The following SYNE2 variants were observed in gnomAD, a reference collection of about 807,000 sequenced individuals.
SYNE2 encodes nesprin-2.
In SYNE2, 431 loss-of-function variants were observed where a neutral mutation model predicts 856.3. The observed-to-expected ratio is 0.50, with a 90% confidence interval of 0.47 to 0.55. The LOEUF (loss-of-function observed/expected upper bound fraction) is 0.55. SYNE2 is among the 20% of genes least tolerant of loss of function. SYNE2 has a pLI of 0.00. For missense variants in SYNE2, 8,129 were observed against 8,023.2 expected, an observed-to-expected ratio of 1.01 and a Z score of -0.50; for synonymous variants, 2,923 against 2,872.3, an observed-to-expected ratio of 1.02 and a Z score of -0.56.
intron 99 of SYNE2, chr14:64,190,621 G>T (rs2098513626): frequency 2.8e-6 from 2 of 702,164 alleles, no homozygotes; most frequent in Non-Finnish European, 5.2e-6. Flanking sequence ...TCAGGTAAGG[G>T]CACAGGCCTG....
chr14:64,226,444 A>T (rs1488188891), downstream of SYNE2: 2 of 152,590 alleles, frequency 1.3e-5, no homozygotes, highest in Non-Finnish European at 2.9e-5. Context: ...CTTCTGTTGT[A>T]CTGAATTCTG....
chr14:64,062,066 G>A (rs1374457805), intron 49 of SYNE2, among the ~76,000 whole-genome samples: 5 of 151,956 alleles, frequency 3.3e-5, no homozygotes, highest in African/African-American at 1.2e-4. Context: ...GTCTGTTTTT[G>A]TATGCATAAT....
chr14:64,103,376 C>G (rs983329820), intron 64 of SYNE2, among the ~76,000 whole-genome samples: 8 of 141,822 alleles, frequency 5.6e-5, no homozygotes, highest in Admixed American at 2.2e-4. Context: ...TTTTGTGGAA[C>G]AAAGTAGTAT....
At chr14:63,917,625 C>G (rs2095547913) in intron 2 of SYNE2, among the ~76,000 whole-genome samples, 1 of 152,114 alleles carries the variant, frequency 6.6e-6, no homozygotes, top group South Asian at 2.1e-4. Flanking sequence ...CATGAGCCAC[C>G]ATACCCAGCT....
chr14:63,995,730 C>CATCTATCTATCTATCT (rs373410347), intron 23 of SYNE2, among the ~76,000 whole-genome samples: 2,431 of 113,482 alleles, frequency 0.021, 23 homozygotes, highest in South Asian at 0.033. Flanking sequence ...TATATCTATC[C>CATCTATCTATCTATCT]ATCTATCTAT....
At chr14:64,181,114 A>AT (rs1006567452) in intron 96 of SYNE2, among the ~76,000 whole-genome samples, 2 of 148,074 alleles carry the variant, frequency 1.4e-5, no homozygotes, top group African/African-American at 5.0e-5. Flanking sequence ...TTTTTTTCCT[A>AT]TTTTTCCTAC....
At chr14:64,120,633 C>T (rs149982509) in intron 67 of SYNE2, among the ~76,000 whole-genome samples, 6 of 152,100 alleles carry the variant, frequency 3.9e-5, no homozygotes, top group Non-Finnish European at 8.8e-5. Flanking sequence ...GTGTGGTGGG[C>T]ACAACTGCAA....
chr14:63,899,675 T>C (rs996209483), intron 1 of SYNE2, among the ~76,000 whole-genome samples: 1 of 152,186 alleles, frequency 6.6e-6, no homozygotes, highest in African/African-American at 2.4e-5. Flanking sequence ...CTAATTTTTG[T>C]ATTTTTTGTA....
chr14:64,119,550 G>GT lies in SYNE2; in HGVS notation c.12965dup (p.Lys4323GlufsTer17). 1 of 1,614,214 alleles carries GT rather than the reference G, an allele frequency of 6.2e-7. No homozygotes were observed. ...AGCGCTTTCCCTGAAACTGAAAACAGTGAAGTGCAATTTAGAAAAAGTCCA... is the reference window on the plus strand; with the variant it reads ...AGCGCTTTCCCTGAAACTGAAAACAGTTGAAGTGCAATTTAGAAAAAGTCCA... On this transcript the variant is annotated frameshift_variant, in exon 67 of 116. Coordinates refer to ENST00000555002, the MANE Select transcript of SYNE2 (RefSeq NM_182914.3). LOFTEE classifies it high-confidence loss of function.
At chr14:64,150,323 G>C in intron 84 of SYNE2, among the ~76,000 whole-genome samples, 1 of 88,958 alleles carries the variant, frequency 1.1e-5, no homozygotes, top group African/African-American at 4.0e-5. Context: ...AAAAAAAAAG[G>C]ATCCTCCCGC....
chr14:64,036,439 C>A (rs774746091), intron 45 of SYNE2, among the ~76,000 whole-genome samples: 2 of 152,126 alleles, frequency 1.3e-5, no homozygotes, highest in African/African-American at 2.4e-5. Flanking sequence ...GTGTGCACCA[C>A]CACACCGGCT....
intron 2 of SYNE2, 36 bp downstream of exon 2, chr14:63,909,263 A>T: frequency 4.1e-6 from 6 of 1,452,938 alleles, no homozygotes; most frequent in East Asian, 2.3e-5. Flanking sequence ...ACCCACAGAA[A>T]CTGGGGAAAC....
At chr14:63,943,137 G>T (rs2095950509) in intron 6 of SYNE2, among the ~76,000 whole-genome samples, 1 of 152,198 alleles carries the variant, frequency 6.6e-6, no homozygotes, top group African/African-American at 2.4e-5. Flanking sequence ...CATTTTGGGG[G>T]ACTCCTGTCC....
chr14:63,974,890 G>GTATCTATATATATATATATATA (rs1281921502), intron 11 of SYNE2, among the ~76,000 whole-genome samples: 1 of 27,504 alleles, frequency 3.6e-5, no homozygotes, highest in Non-Finnish European at 7.1e-5. Context: ...GTGTGTGTGT[G>GTATCTATATATATATATATATA]TGTATATATA....
chr14:64,100,933 C>T (rs1183671100), intron 63 of SYNE2, among the ~76,000 whole-genome samples: 1 of 151,686 alleles, frequency 6.6e-6, no homozygotes, highest in East Asian at 1.9e-4. Context: ...GATTATTTCA[C>T]TTAACAGAAG....
intron 9 of SYNE2, among the ~76,000 whole-genome samples, chr14:63,963,007 C>T (rs188834624): frequency 2.9e-4 from 44 of 152,238 alleles, no homozygotes; most frequent in African/African-American, 9.4e-4. Context: ...GCAAAATGTT[C>T]GATATTACTT....
At chr14:64,030,829 G>C (rs4027403) in intron 44 of SYNE2, among the ~76,000 whole-genome samples, 187 bp from the exon 45 acceptor site, 1 of 152,090 alleles carries the variant, frequency 6.6e-6, no homozygotes, top group Admixed American at 6.5e-5. Context: ...CTTAAAATAC[G>C]TATTTGAGAA....
rs149037785 is a variant in SYNE2 at position 64,155,151 on chromosome 14, G to A, written c.15792+2435G>A. Among the ~76,000 whole-genome samples the A allele has an allele frequency of 5.5e-3, 836 of 152,236 alleles. 8 individuals are homozygous for A. The highest frequency in any genetic ancestry group is 0.019 in the African/African-American group (798 of 41,526). ...CCAAGAGAAATGAAAACGTGTCCAC[G>A]CCAAAAACTTATACGTGAATATTCA... On this transcript the variant is annotated intron_variant, in intron 85 of 115. Transcript: ENST00000555002.
chr14:63,833,160 G>A lies in SYNE2; in HGVS notation c.-304-19341G>A, dbSNP rs183707256. On this transcript the variant is annotated intron_variant, in intron 1 of 23. Transcript: ENST00000674003. ...GGATTTCAAGGCTGCAGTGCACTAT[G>A]ATCATGCCACTGTGCTCCAGCCTGG... is the stretch of plus-strand genomic sequence containing the variant. 9.3e-4 allele frequency among the ~76,000 whole-genome samples: 141 copies of A among 152,122 alleles called. 3 individuals carry two copies. In the South Asian group the frequency reaches 0.017, roughly 18 times the overall value.
Sources: gnomAD v4.1 joint callset for allele counts (sites outside exome capture counted in the v4.1 genomes callset) on GRCh38, gnomAD v4.1.1 for gene constraint, MANE v1.5 for transcripts, NCBI Gene and HGNC (gene_info 2026-07-23, HGNC 2026-07-21) for gene names.